RORB: variants seen among roughly 807,000 people sequenced by gnomAD.
RORB encodes RAR related orphan receptor B.
A neutral mutation model predicts 59.1 loss-of-function variants in RORB; 6 were observed. That is an observed-to-expected ratio of 0.10 (90% confidence interval 0.06 to 0.20). The LOEUF (loss-of-function observed/expected upper bound fraction) is 0.20. Among genes scored for constraint, RORB ranks in the 10% least tolerant of loss-of-function variants. The pLI, the probability that RORB is intolerant of heterozygous loss-of-function variation, is 1.00. For synonymous variants in RORB, 215 were observed against 204.5 expected (o/e 1.05, Z -0.44); for missense variants, 320 against 560.5 (o/e 0.57, Z 4.33).
rs1056264486 is a variant in RORB, at chr9:74,685,828, C to T, written c.*210C>T. 1.1e-5 allele frequency: 4 copies of T among 363,554 alleles called. No individual in the cohort carries two copies. The highest frequency in any genetic ancestry group is 8.4e-5 in the African/African-American group (4 of 47,852). The allele number at this position is 363,554 out of a possible 1,614,324, so 22.5% of individuals were successfully genotyped here. Reference sequence around the variant, plus strand: ...TTTGTTTGTTTGTTTTTGAAATGACCATAAATATACAAATATAGGACACTG... The same window carrying T: ...TTTGTTTGTTTGTTTTTGAAATGACTATAAATATACAAATATAGGACACTG... On this transcript the variant is annotated 3_prime_UTR_variant, in exon 10 of 10. Transcript: ENST00000376896.
chr9:74,563,435 T>C (rs1384910704), intron 1 of RORB, among the ~76,000 whole-genome samples: 8 of 152,154 alleles, frequency 5.3e-5, no homozygotes, highest in Admixed American at 2.0e-4. Flanking sequence ...CCACCTGCCT[T>C]GGCCTCCCAA....
chr9:74,498,062 AC>A, intron 1 of RORB, 79 bp downstream of exon 1: 1 of 1,523,912 alleles, frequency 6.6e-7, no homozygotes. Context: ...AGGGGAGGGC[AC>A]CCAGCAGAAA....
chr9:74,631,893 T>C (rs555012511), intron 2 of RORB, among the ~76,000 whole-genome samples: 1 of 152,290 alleles, frequency 6.6e-6, no homozygotes, highest in South Asian at 2.1e-4. Flanking sequence ...AAGTTATTAC[T>C]TCCTCTAGGC....
chr9:74,561,925 G>A (rs953922847), intron 1 of RORB, among the ~76,000 whole-genome samples: 2 of 151,996 alleles, frequency 1.3e-5, no homozygotes, highest in Non-Finnish European at 2.9e-5. Flanking sequence ...TACTGGCCAG[G>A]TATTATGTAG....
At chr9:74,532,683 A>T (rs1023375294) in intron 1 of RORB, among the ~76,000 whole-genome samples, 1 of 150,272 alleles carries the variant, frequency 6.7e-6, no homozygotes, top group African/African-American at 2.4e-5. Flanking sequence ...TATACGTATT[A>T]TATATAACTT....
chr9:74,666,469 A>C (rs1012600549), intron 7 of RORB, among the ~76,000 whole-genome samples: 1 of 151,896 alleles, frequency 6.6e-6, no homozygotes, highest in African/African-American at 2.4e-5. Context: ...AAAAAAAAAA[A>C]AGGAAAGAAA....
intron 9 of RORB, among the ~76,000 whole-genome samples, chr9:74,676,924 A>G (rs1053987876): frequency 6.6e-6 from 1 of 152,208 alleles, no homozygotes; most frequent in African/African-American, 2.4e-5. Context: ...GAATATCCTG[A>G]CTTAGAAGAA....
At chr9:74,664,482 C>A (rs1824237368) in intron 6 of RORB, among the ~76,000 whole-genome samples, 1 of 152,160 alleles carries the variant, frequency 6.6e-6, no homozygotes, top group African/African-American at 2.4e-5. Context: ...AATAAACTCA[C>A]CTGAAATAGT....
intron 1 of RORB, among the ~76,000 whole-genome samples, chr9:74,513,063 T>C (rs1005496392): frequency 1.3e-5 from 2 of 152,190 alleles, no homozygotes; most frequent in Admixed American, 1.3e-4. Context: ...TATTGGTCAT[T>C]AAAATAGTTT....
intron 1 of RORB, among the ~76,000 whole-genome samples, chr9:74,556,048 T>C (rs1822286002): frequency 6.6e-6 from 1 of 152,246 alleles, no homozygotes; most frequent in African/African-American, 2.4e-5. Flanking sequence ...TTTTCTGAGA[T>C]CAAGTTTTCT....
At chr9:74,579,533 T>A (rs1444457912) in intron 1 of RORB, among the ~76,000 whole-genome samples, 1 of 152,118 alleles carries the variant, frequency 6.6e-6, no homozygotes, top group Admixed American at 6.6e-5. Context: ...AATGTTGCAA[T>A]ACACAAAAGT....
At chr9:74,556,894 C>G (rs986696323) in intron 1 of RORB, among the ~76,000 whole-genome samples, 4 of 152,136 alleles carry the variant, frequency 2.6e-5, no homozygotes, top group Non-Finnish European at 5.9e-5. Flanking sequence ...GCTTTCTTCA[C>G]AGTCAAATGA....
At chr9:74,524,913 T>A (rs1024893845) in intron 1 of RORB, among the ~76,000 whole-genome samples, 2 of 151,798 alleles carry the variant, frequency 1.3e-5, no homozygotes, top group African/African-American at 4.8e-5. Flanking sequence ...ATTCTAATAA[T>A]CTAATAAGGA....
intron 1 of RORB, among the ~76,000 whole-genome samples, chr9:74,624,709 A>G (rs1490810224): frequency 6.6e-6 from 1 of 152,202 alleles, no homozygotes; most frequent in Non-Finnish European, 1.5e-5. Flanking sequence ...GAAAGAGTAC[A>G]AACAGAGATT....
chr9:74,552,013 G>C (rs911233447), intron 1 of RORB, among the ~76,000 whole-genome samples: 3 of 152,178 alleles, frequency 2.0e-5, no homozygotes, highest in African/African-American at 7.2e-5. Context: ...GGTCAGTGGA[G>C]AAGGAAAGAT....
intron 9 of RORB, among the ~76,000 whole-genome samples, chr9:74,681,491 C>A (rs927055472): frequency 2.0e-4 from 30 of 152,194 alleles, no homozygotes; most frequent in African/African-American, 7.0e-4. Context: ...TCTTCGCCTT[C>A]TCTGTGCTGT....
chr9:74,580,826 T>G (rs1822711868), intron 1 of RORB, among the ~76,000 whole-genome samples: 1 of 152,164 alleles, frequency 6.6e-6, no homozygotes, highest in Non-Finnish European at 1.5e-5. Flanking sequence ...TTACTTTGAC[T>G]GTATAATGGG....
intron 1 of RORB, among the ~76,000 whole-genome samples, chr9:74,595,355 T>C (rs1822954724): frequency 6.6e-6 from 1 of 152,200 alleles, no homozygotes; most frequent in Non-Finnish European, 1.5e-5. Context: ...CAAAGCAGTC[T>C]TACTTTATTC....
At position 74,660,686 on chromosome 9, in the gene RORB, A is replaced by G. The variant is rs1454493480; in HGVS notation, c.707A>G (p.Gln236Arg). 1 of 1,614,050 alleles carries G rather than the reference A, an allele frequency of 6.2e-7. No homozygotes were observed. The highest frequency in any genetic ancestry group is 1.1e-5 in the South Asian group (1 of 91,064). ...TCQYTMEELH[Q>R]LAWQTHTYEE... is the part of the protein sequence containing the mutation. Reference sequence around the variant, plus strand: ...CAATACACCATGGAAGAGCTGCACCAGCTGGCGTGGCAGACCCACACCTAT... The same window carrying G: ...CAATACACCATGGAAGAGCTGCACCGGCTGGCGTGGCAGACCCACACCTAT... The change falls in exon 5 of 10, where the codon CAG becomes CGG. Residue 236 changes from glutamine (Q) to arginine (R), a missense_variant. Around this residue, in one of 4 missense-constraint regions of RORB, gnomAD observed 40 missense variants for 116.9 expected, o/e 0.34. Transcript: ENST00000376896.
Sources: allele counts gnomAD v4.1 joint callset (sites outside exome capture counted in the v4.1 genomes callset), GRCh38; gene constraint gnomAD v4.1.1; regional missense constraint gnomAD v4.1.1; transcripts MANE v1.5; gene names NCBI Gene and HGNC (gene_info 2026-07-23, HGNC 2026-07-21).